The following UVRAG variants were observed in gnomAD, a reference collection of about 807,000 sequenced individuals.
The protein encoded by UVRAG is UV radiation resistance-associated gene protein.
In UVRAG, 19 loss-of-function variants were observed where a neutral mutation model predicts 78.0. The ratio of observed to expected loss-of-function variants is 0.24; its 90% CI spans 0.17 to 0.36. UVRAG has a LOEUF of 0.36. Among genes scored for constraint, UVRAG ranks in the 10% least tolerant of loss-of-function variants. The probability of loss-of-function intolerance (pLI) is 1.00; values close to 1 mark genes in which losing one functional copy is unlikely to be tolerated. For synonymous variants in UVRAG, 323 were observed against 324.6 expected (o/e 1.00, Z 0.05); for missense variants, 740 against 853.8 (o/e 0.87, Z 1.66).
chr11:76,144,087 A>G lies in UVRAG; in HGVS notation c.*2674A>G, dbSNP rs1366437653. ...AGCTATATATTTTTTAGCAGTTCTAATGGTGCCCATTTATCCTGACCTAAC... is the reference window on the plus strand; with the variant it reads ...AGCTATATATTTTTTAGCAGTTCTAGTGGTGCCCATTTATCCTGACCTAAC... On this transcript the variant is annotated 3_prime_UTR_variant, in exon 15 of 15. Coordinates refer to ENST00000356136, the MANE Select transcript of UVRAG (RefSeq NM_003369.4). Among the ~76,000 whole-genome samples, 1 of 152,196 alleles carries G rather than the reference A, an allele frequency of 6.6e-6. No individual in the cohort carries two copies. The highest frequency in any genetic ancestry group is 2.4e-5 in the African/African-American group (1 of 41,444).
At chr11:75,987,984 C>T (rs1395973805) in intron 8 of UVRAG, among the ~76,000 whole-genome samples, 4 of 152,144 alleles carry the variant, frequency 2.6e-5, no homozygotes, top group Admixed American at 2.0e-4. Context: ...GTGATCTGCC[C>T]GCCTTGGCCT....
chr11:76,082,311 C>T (rs370797314), intron 13 of UVRAG, among the ~76,000 whole-genome samples: 8 of 152,146 alleles, frequency 5.3e-5, no homozygotes, highest in African/African-American at 1.2e-4. Flanking sequence ...GAGGCCGAGG[C>T]GGGCAGATCA....
chr11:75,881,007 G>C (rs1455073163), intron 4 of UVRAG, among the ~76,000 whole-genome samples: 4 of 132,766 alleles, frequency 3.0e-5, no homozygotes, highest in Non-Finnish European at 6.2e-5. Flanking sequence ...GCAGTGGTGT[G>C]ATCATAGCTC....
intron 1 of UVRAG, among the ~76,000 whole-genome samples, chr11:75,847,601 C>A (rs7948380): frequency 0.075 from 11,443 of 152,064 alleles, 1,408 homozygotes; most frequent in African/African-American, 0.26. Flanking sequence ...AAAAGAAGGC[C>A]AGACCTAGGG....
chr11:75,860,793 C>CTT (rs59883539), intron 2 of UVRAG, among the ~76,000 whole-genome samples: 10,320 of 144,116 alleles, frequency 0.072, 376 homozygotes, highest in East Asian at 0.17. Context: ...CTTTTCTTTT[C>CTT]TTTTTTTTTT....
Position 76,140,808 on chromosome 11 carries a change from C to T in UVRAG, c.1495C>T (p.Pro499Ser), listed in dbSNP as rs1211753784. The stretch of plus-strand genomic sequence containing the variant: ...AGGCTTCTCTGGGGGGATCCCTTCA[C>T]CAGACAAAGGACATCGAAAACGGGC... ...DVGFSGGIPS[P>S]DKGHRKRASS... Residue 499 changes from proline (P) to serine (S), a missense_variant, in exon 15 of 15, where the codon CCA (proline) becomes TCA (serine). Transcript: ENST00000356136. 1 of 1,614,118 alleles carries T rather than the reference C, an allele frequency of 6.2e-7. No homozygotes were observed. The highest frequency in any genetic ancestry group is 8.5e-7 in the Non-Finnish European group (1 of 1,180,024).
chr11:75,901,822 C>T (rs1347978766), intron 5 of UVRAG, among the ~76,000 whole-genome samples: 1 of 152,200 alleles, frequency 6.6e-6, no homozygotes, highest in African/African-American at 2.4e-5. Flanking sequence ...CTTTCTCAGG[C>T]TAAGATTTGT....
intron 2 of UVRAG, among the ~76,000 whole-genome samples, chr11:75,852,749 T>C (rs1329337670): frequency 6.6e-6 from 1 of 152,180 alleles, no homozygotes; most frequent in Non-Finnish European, 1.5e-5. Flanking sequence ...TGATGTCTTA[T>C]GAAGTAGGCA....
chr11:75,828,875 TCTGA>T (rs1945594871), intron 1 of UVRAG, among the ~76,000 whole-genome samples: 2 of 147,838 alleles, frequency 1.4e-5, no homozygotes, highest in African/African-American at 2.5e-5. Flanking sequence ...CGCCACCATG[TCTGA>T]CTAATTTTTG....
chr11:75,950,189 CTAT>C (rs1948663985), intron 6 of UVRAG, among the ~76,000 whole-genome samples: 1 of 152,050 alleles, frequency 6.6e-6, no homozygotes, highest in Non-Finnish European at 1.5e-5. Context: ...TACTTTTTGG[CTAT>C]TATAAATAAA....
At chr11:75,975,744 T>TAA (rs1949225271) in intron 7 of UVRAG, among the ~76,000 whole-genome samples, 1 of 152,240 alleles carries the variant, frequency 6.6e-6, no homozygotes. Flanking sequence ...TGCAGTTGCT[T>TAA]ATCAGCTTAA....
intron 13 of UVRAG, among the ~76,000 whole-genome samples, chr11:76,078,123 A>G (rs1239219359): frequency 6.6e-6 from 1 of 152,208 alleles, no homozygotes; most frequent in Admixed American, 6.5e-5. Context: ...ATTATGAGCT[A>G]TATGAAAAAT....
chr11:75,889,555 G>A (rs1947171367), intron 5 of UVRAG, among the ~76,000 whole-genome samples: 1 of 152,188 alleles, frequency 6.6e-6, no homozygotes. Flanking sequence ...TAAAGCCTGT[G>A]CTTTTTCTAT....
rs550877162 is a variant in UVRAG at position 75,878,299 on chromosome 11, G to T, written c.271-1580G>T. Reference sequence around the variant, plus strand: ...AGAGACGCTCCTCACTTCGTAGATGGGATGGTGGCCGGGAAGAGGCGCTCC... The same window carrying T: ...AGAGACGCTCCTCACTTCGTAGATGTGATGGTGGCCGGGAAGAGGCGCTCC... On this transcript the variant is annotated intron_variant, in intron 3 of 14. Coordinates refer to ENST00000356136, the MANE Select transcript of UVRAG (RefSeq NM_003369.4). 2.1e-3 allele frequency: 406 copies of T among 197,434 alleles called. 1 individual carries two copies. The highest frequency in any genetic ancestry group is 2.5e-3 in the Non-Finnish European group (242 of 95,338). 12.2% of individuals were successfully genotyped at this position (197,434 alleles called of 1,614,324 possible). A position where few individuals can be genotyped will look rare whatever the true frequency, so the allele number is the denominator to read the frequency against.
At chr11:75,967,523 G>A (rs1169523155) in intron 7 of UVRAG, among the ~76,000 whole-genome samples, 1 of 152,056 alleles carries the variant, frequency 6.6e-6, no homozygotes, top group East Asian at 1.9e-4. Context: ...AATTTGGGGG[G>A]AAGAATTACT....
At chr11:76,060,490 C>T (rs1326615686) in intron 12 of UVRAG, among the ~76,000 whole-genome samples, 1 of 152,256 alleles carries the variant, frequency 6.6e-6, no homozygotes, top group Non-Finnish European at 1.5e-5. Flanking sequence ...CAGCCCACCG[C>T]TGCACTGTGG....
At chr11:76,068,525 T>C (rs1951240390) in intron 13 of UVRAG, among the ~76,000 whole-genome samples, 2 of 152,216 alleles carry the variant, frequency 1.3e-5, no homozygotes, top group Admixed American at 1.3e-4. Context: ...GAGGCAGTTT[T>C]AAAAGGAGGG....
intron 1 of UVRAG, among the ~76,000 whole-genome samples, chr11:75,827,778 GA>G (rs1188220101): frequency 2.0e-5 from 3 of 152,146 alleles, no homozygotes; most frequent in Non-Finnish European, 4.4e-5. Context: ...TCTTTCAGGG[GA>G]TATGAACTAT....
intron 12 of UVRAG, among the ~76,000 whole-genome samples, chr11:76,025,999 C>A (rs1243823175): frequency 6.6e-6 from 1 of 152,070 alleles, no homozygotes; most frequent in Non-Finnish European, 1.5e-5. Flanking sequence ...AGGGAAGAGA[C>A]AAAGGAGTTT....
Sources: gnomAD v4.1 joint callset for allele counts (sites outside exome capture counted in the v4.1 genomes callset) on GRCh38, gnomAD v4.1.1 for gene constraint, MANE v1.5 for transcripts, NCBI Gene and HGNC (gene_info 2026-07-23, HGNC 2026-07-21) for gene names.